The following KCNJ6 variants were observed in gnomAD, a reference collection of about 807,000 sequenced individuals.
KCNJ6 encodes the protein G protein-activated inward rectifier potassium channel 2.
A neutral mutation model predicts 34.2 loss-of-function variants in KCNJ6; 9 were observed. The ratio of observed to expected loss-of-function variants is 0.26; its 90% CI spans 0.16 to 0.46. The LOEUF (loss-of-function observed/expected upper bound fraction) is 0.46, where lower values mean the gene tolerates loss of function less well. Among genes scored for constraint, KCNJ6 ranks in the 20% least tolerant of loss-of-function variants. The pLI, the probability that KCNJ6 is intolerant of heterozygous loss-of-function variation, is 1.00. For missense variants in KCNJ6, 236 were observed against 531.3 expected (o/e 0.44, Z 5.46); for synonymous variants, 196 against 207.1 (o/e 0.95, Z 0.46).
At position 37,613,742 on chromosome 21, in the gene KCNJ6, G is replaced by C. The variant is rs1220667048; in HGVS notation, c.*11417C>G. 1 of 152,262 alleles carries C rather than the reference G, an allele frequency of 6.6e-6. No individual in the cohort carries two copies. The highest frequency in any genetic ancestry group is 1.5e-5 in the Non-Finnish European group (1 of 68,060). 9.4% of individuals were successfully genotyped at this position (152,262 alleles called of 1,614,324 possible). ...AACTATGGAGACAGTAAATAGATCA[G>C]TGGTTGCCAGGGGTTGGGAGGACAC... On this transcript the variant is annotated 3_prime_UTR_variant, in exon 4 of 4. Transcript: ENST00000609713.
rs1270514039 is a variant in KCNJ6, at chr21:37,748,928, A to G, written c.26-33797T>C. On this transcript the variant is annotated intron_variant, in intron 2 of 3. Transcript: ENST00000609713. Reference sequence around the variant, plus strand: ...TGAGGCATTCCAGAGTGGTCTTTGCACTGTGCTGTCTTAATAGGTATAGAG... The same window carrying G: ...TGAGGCATTCCAGAGTGGTCTTTGCGCTGTGCTGTCTTAATAGGTATAGAG... Among the ~76,000 whole-genome samples the G allele has an allele frequency of 2.0e-5, 3 of 152,164 alleles. No individual in the cohort carries two copies. In the South Asian group the frequency reaches 6.2e-4, roughly 32 times the overall value.
chr21:37,694,169 A>T (rs1292364780), intron 3 of KCNJ6, among the ~76,000 whole-genome samples: 1 of 152,168 alleles, frequency 6.6e-6, no homozygotes, highest in Admixed American at 6.5e-5. Context: ...GCAGCCTCAG[A>T]TACCTGTGGG....
At chr21:37,868,850 G>A (rs1464067809) in intron 1 of KCNJ6, among the ~76,000 whole-genome samples, 1 of 152,184 alleles carries the variant, frequency 6.6e-6, no homozygotes, top group African/African-American at 2.4e-5. Context: ...AAATGAAAAT[G>A]TTCTTCAGAA....
At chr21:37,904,465 G>A (rs1355232653) in intron 1 of KCNJ6, among the ~76,000 whole-genome samples, 1 of 151,406 alleles carries the variant, frequency 6.6e-6, no homozygotes, top group African/African-American at 2.4e-5. Flanking sequence ...TTTTTTTTTG[G>A]TATCACTTTG....
chr21:37,674,326 G>A lies in KCNJ6; in HGVS notation c.946+39885C>T, dbSNP rs148851764. 8.5e-4 allele frequency among the ~76,000 whole-genome samples: 130 copies of A among 152,218 alleles called. 1 individual carries two copies. The highest frequency in any genetic ancestry group is 2.9e-3 in the African/African-American group (119 of 41,526). On this transcript the variant is annotated intron_variant, in intron 3 of 3. Transcript: ENST00000609713. ...AAATCCCTCAGTCCCAAGCAAATGA[G>A]GACAGTTGGTCATCTACAGCTCACA... is the stretch of plus-strand genomic sequence containing the variant.
rs765972392 is a variant in KCNJ6, at chr21:37,802,520, C to A, written c.25+38138G>T. On this transcript the variant is annotated intron_variant, in intron 2 of 3. Coordinates refer to ENST00000609713, the MANE Select transcript of KCNJ6 (RefSeq NM_002240.5). Reference sequence around the variant, plus strand: ...GTGGAGAGAGAGAGATTGGAAGAGGCTATGCTGCCAGCTTTGAAGATGAAG... The same window carrying A: ...GTGGAGAGAGAGAGATTGGAAGAGGATATGCTGCCAGCTTTGAAGATGAAG... Among the ~76,000 whole-genome samples, 85 of 152,190 alleles carry A rather than the reference C, an allele frequency of 5.6e-4. 1 individual carries two copies. The highest frequency in any genetic ancestry group is 3.9e-4 in the Admixed American group (6 of 15,286).
At chr21:37,759,667 TC>T (rs2055050435) in intron 2 of KCNJ6, among the ~76,000 whole-genome samples, 1 of 152,174 alleles carries the variant, frequency 6.6e-6, no homozygotes, top group Non-Finnish European at 1.5e-5. Context: ...AACCTTCTCT[TC>T]CTTTCCTGGC....
At chr21:37,863,508 C>T (rs2055605021) in intron 1 of KCNJ6, among the ~76,000 whole-genome samples, 1 of 152,216 alleles carries the variant, frequency 6.6e-6, no homozygotes, top group Admixed American at 6.5e-5. Context: ...GGAAGTACCT[C>T]TGGTGCCAGA....
chr21:37,875,716 C>T (rs934183329), intron 1 of KCNJ6, among the ~76,000 whole-genome samples: 1 of 152,116 alleles, frequency 6.6e-6, no homozygotes, highest in Non-Finnish European at 1.5e-5. Context: ...TGGCCTTTTC[C>T]ACAGCAGCCA....
Position 37,695,615 on chromosome 21 carries a change from C to T in KCNJ6, c.946+18596G>A, listed in dbSNP as rs1023748949. Among the ~76,000 whole-genome samples the T allele has an allele frequency of 3.3e-5, 5 of 152,144 alleles. No individual in the cohort carries two copies. The highest frequency in any genetic ancestry group is 1.2e-4 in the African/African-American group (5 of 41,412). ...TTGGAGTGAGGAGCTTGGGATTTCT[C>T]CCTGACAGTTTCTGGAAGGCAGTGT... On this transcript the variant is annotated intron_variant, in intron 3 of 3. Coordinates refer to ENST00000609713, the MANE Select transcript of KCNJ6 (RefSeq NM_002240.5). The surrounding 1 kb of genome is among the most constrained non-coding windows in gnomAD (Gnocchi z 4.2).
At chr21:37,869,078 A>G (rs994392454) in intron 1 of KCNJ6, among the ~76,000 whole-genome samples, 14 of 152,230 alleles carry the variant, frequency 9.2e-5, no homozygotes, top group South Asian at 2.1e-4. Flanking sequence ...TGCTCTAGGC[A>G]GTGAATTCTT....
intron 2 of KCNJ6, among the ~76,000 whole-genome samples, chr21:37,729,540 TC>T (rs1295332326): frequency 1.3e-5 from 2 of 152,168 alleles, no homozygotes; most frequent in African/African-American, 4.8e-5. Flanking sequence ...CTCAGGCTGG[TC>T]GTGAACTCCT....
chr21:37,673,126 A>G (rs570768733), intron 3 of KCNJ6, among the ~76,000 whole-genome samples: 1 of 152,390 alleles, frequency 6.6e-6, no homozygotes, highest in East Asian at 1.9e-4. Context: ...GAGAAGAAGA[A>G]TTGAGAGGAG....
chr21:37,880,461 C>G (rs1431299932), intron 1 of KCNJ6, among the ~76,000 whole-genome samples: 1 of 152,198 alleles, frequency 6.6e-6, no homozygotes, highest in Admixed American at 6.5e-5. Flanking sequence ...TCTTCCCACT[C>G]AAGTGAAGGA....
chr21:37,718,309 A>G (rs1467117108), intron 2 of KCNJ6, among the ~76,000 whole-genome samples: 6 of 152,200 alleles, frequency 3.9e-5, no homozygotes, highest in Non-Finnish European at 8.8e-5. Context: ...ATTGTGTTTG[A>G]CCCATTATAT....
intron 1 of KCNJ6, among the ~76,000 whole-genome samples, chr21:37,868,701 G>T (rs1194770663): frequency 6.6e-6 from 1 of 152,138 alleles, no homozygotes; most frequent in Non-Finnish European, 1.5e-5. Context: ...ACCAGTTAGG[G>T]GACAATCCCT....
intron 3 of KCNJ6, among the ~76,000 whole-genome samples, chr21:37,704,660 GTCA>G (rs56195622): frequency 2.0e-4 from 30 of 150,574 alleles, no homozygotes; most frequent in South Asian, 2.1e-4. Flanking sequence ...ATGAGTCGTC[GTCA>G]TCATCATCAT....
intron 2 of KCNJ6, among the ~76,000 whole-genome samples, chr21:37,814,043 A>C (rs576567061): frequency 9.2e-5 from 14 of 152,364 alleles, no homozygotes; most frequent in African/African-American, 3.1e-4. Context: ...TAAGGAGCTC[A>C]AACAATTCTA....
intron 1 of KCNJ6, among the ~76,000 whole-genome samples, chr21:37,882,824 A>C (rs2055716159): frequency 6.6e-6 from 1 of 152,264 alleles, no homozygotes. Context: ...AACTGCCTTC[A>C]TGCATGGAAT....
Sources: gnomAD v4.1 joint callset for allele counts (sites outside exome capture counted in the v4.1 genomes callset) on GRCh38, gnomAD v4.1.1 for gene constraint, Gnocchi (gnomAD v3.1) non-coding constraint, MANE v1.5 for transcripts, NCBI Gene and HGNC (gene_info 2026-07-23, HGNC 2026-07-21) for gene names.